NELL1: variants seen among roughly 807,000 people sequenced by gnomAD.
NELL1 encodes the protein protein kinase C-binding protein NELL1.
A neutral mutation model predicts 107.4 loss-of-function variants in NELL1; 76 were observed. That is an observed-to-expected ratio of 0.71 (90% confidence interval 0.59 to 0.86). The LOEUF (loss-of-function observed/expected upper bound fraction) is 0.86, where lower values mean the gene tolerates loss of function less well. Among genes scored for constraint, NELL1 ranks in the 40% least tolerant of loss-of-function variants. The pLI is 0.00. For synonymous variants in NELL1, 353 were observed against 341.2 expected, an observed-to-expected ratio of 1.03 and a Z score of -0.38; for missense variants, 1,024 against 1,005.5, an observed-to-expected ratio of 1.02 and a Z score of -0.25.
intron 14 of NELL1, among the ~76,000 whole-genome samples, chr11:21,293,080 A>G (rs1285245643): frequency 6.6e-6 from 1 of 152,212 alleles, no homozygotes; most frequent in Admixed American, 6.5e-5. Context: ...GACAAATGGG[A>G]TCTAAATAAA....
At chr11:20,760,405 G>T (rs1856393276) in intron 2 of NELL1, among the ~76,000 whole-genome samples, 1 of 152,222 alleles carries the variant, frequency 6.6e-6, no homozygotes. Flanking sequence ...CAGCTTTAGA[G>T]TTGTGAAAGG....
chr11:20,877,406 C>T (rs890674703), intron 4 of NELL1, among the ~76,000 whole-genome samples: 2 of 152,188 alleles, frequency 1.3e-5, no homozygotes, highest in African/African-American at 4.8e-5. Flanking sequence ...AGGAAAGGTA[C>T]TGTGGAGTCT....
intron 16 of NELL1, among the ~76,000 whole-genome samples, chr11:21,554,249 A>G (rs1485778732): frequency 2.6e-5 from 4 of 151,890 alleles, no homozygotes; most frequent in Non-Finnish European, 4.4e-5. Flanking sequence ...ACAGTAAAAC[A>G]CCTAAATTTG....
rs1056003653 is a variant in NELL1 at position 20,717,732 on chromosome 11, A to T, written c.184+39672A>T. Among the ~76,000 whole-genome samples the T allele has an allele frequency of 1.7e-4, 26 of 152,260 alleles. 1 individual carries two copies. The highest frequency in any genetic ancestry group is 6.3e-4 in the African/African-American group (26 of 41,560). ...ATCAATCACTACTTCCTGTTTAGTCATTCAGAGTTCTTTTCATAAATTGAA... is the reference window on the plus strand; with the variant it reads ...ATCAATCACTACTTCCTGTTTAGTCTTTCAGAGTTCTTTTCATAAATTGAA... On this transcript the variant is annotated intron_variant, in intron 2 of 19. Transcript: ENST00000357134.
At position 20,783,789 on chromosome 11, in the gene NELL1, C is replaced by A. The variant is rs2280363; in HGVS notation, c.294C>A (p.Ser98=). ...TILATVQQKP[S]TSGVILSIRE... is the part of the protein sequence containing the mutation. The stretch of plus-strand genomic sequence containing the variant: ...TGGCCACTGTACAGCAGAAGCCATC[C>A]ACTTCAGGAGTGATACTGTCCATTC... The change falls in exon 3 of 20, where the codon TCC becomes TCA. Residue 98 remains serine, a synonymous_variant. Coordinates refer to ENST00000357134, the MANE Select transcript of NELL1 (RefSeq NM_006157.5). 39 of 1,613,562 alleles carry A rather than the reference C, an allele frequency of 2.4e-5. No individual in the cohort carries two copies. In the Middle Eastern group the frequency reaches 4.9e-4, roughly 20 times the overall value.
intron 4 of NELL1, among the ~76,000 whole-genome samples, chr11:20,866,332 C>A (rs1055883128): frequency 6.6e-6 from 1 of 152,178 alleles, no homozygotes; most frequent in African/African-American, 2.4e-5. Context: ...ACCGCCTGTT[C>A]TATTCACCTT....
chr11:21,031,175 C>T (rs1159290679), intron 12 of NELL1, among the ~76,000 whole-genome samples: 2 of 152,172 alleles, frequency 1.3e-5, no homozygotes, highest in African/African-American at 4.8e-5. Flanking sequence ...TAACATTGCA[C>T]TGTACAGATA....
rs1430358458 is a variant in NELL1, at chr11:21,424,718, A to G, written c.1645+53770A>G. Among the ~76,000 whole-genome samples, 4 of 152,284 alleles carry G rather than the reference A, an allele frequency of 2.6e-5. No individual in the cohort carries two copies. In the East Asian group the frequency reaches 7.7e-4, roughly 29 times the overall value. On this transcript the variant is annotated intron_variant, in intron 15 of 19. Transcript: ENST00000357134. ...AGGACAAAATGGACAATTGCTAGAA[A>G]CACAAAACTTGCAAAGACTAAATCA...
intron 15 of NELL1, among the ~76,000 whole-genome samples, chr11:21,418,369 A>C (rs1482191460): frequency 6.6e-6 from 1 of 152,108 alleles, no homozygotes; most frequent in East Asian, 1.9e-4. Context: ...TGGTCAACTT[A>C]TCTACTGATT....
At chr11:20,924,563 G>T (rs1850449420) in intron 7 of NELL1, among the ~76,000 whole-genome samples, 1 of 152,174 alleles carries the variant, frequency 6.6e-6, no homozygotes, top group Non-Finnish European at 1.5e-5. Context: ...CCTTAGGCAA[G>T]CTCCTGGATT....
chr11:21,540,908 C>T (rs1490909978), intron 16 of NELL1, among the ~76,000 whole-genome samples: 2 of 151,952 alleles, frequency 1.3e-5, no homozygotes, highest in Non-Finnish European at 2.9e-5. Context: ...ACAATTTGGC[C>T]AATGTAGAGA....
At chr11:20,847,818 A>T in intron 4 of NELL1, 65 bp downstream of exon 4, 1 of 1,481,076 alleles carries the variant, frequency 6.8e-7, no homozygotes, top group Non-Finnish European at 9.1e-7. Flanking sequence ...AAAGGGGAAA[A>T]AATATCAAAT....
chr11:20,979,681 A>G (rs1851710427), intron 12 of NELL1, among the ~76,000 whole-genome samples: 1 of 152,140 alleles, frequency 6.6e-6, no homozygotes, highest in Admixed American at 6.6e-5. Flanking sequence ...TAAATTCTTG[A>G]ATCCTCTTTC....
chr11:21,265,239 C>T (rs1848613172), intron 14 of NELL1, among the ~76,000 whole-genome samples: 1 of 152,020 alleles, frequency 6.6e-6, no homozygotes, highest in Non-Finnish European at 1.5e-5. Context: ...GTGAACTATT[C>T]ACCCCCTCCT....
At chr11:20,753,327 C>G (rs1311652725) in intron 2 of NELL1, among the ~76,000 whole-genome samples, 3 of 152,150 alleles carry the variant, frequency 2.0e-5, no homozygotes, top group Non-Finnish European at 4.4e-5. Flanking sequence ...ATCTTAATAT[C>G]TCTTCTTGGT....
chr11:21,230,768 G>A (rs552480473), intron 14 of NELL1, among the ~76,000 whole-genome samples: 2 of 152,146 alleles, frequency 1.3e-5, no homozygotes, highest in Non-Finnish European at 2.9e-5. Flanking sequence ...GGTGAGGTAA[G>A]CAGAAAGCCT....
At chr11:21,481,491 T>A (rs1854491333) in intron 15 of NELL1, among the ~76,000 whole-genome samples, 1 of 152,192 alleles carries the variant, frequency 6.6e-6, no homozygotes, top group Non-Finnish European at 1.5e-5. Flanking sequence ...AAGGGTTGCA[T>A]TAAAGTGGAA....
chr11:20,801,591 A>G (rs1002368087), intron 3 of NELL1, among the ~76,000 whole-genome samples: 1 of 151,922 alleles, frequency 6.6e-6, no homozygotes, highest in Non-Finnish European at 1.5e-5. Flanking sequence ...ATGTAATCCC[A>G]TTTATCCGTT....
intron 16 of NELL1, among the ~76,000 whole-genome samples, chr11:21,551,811 C>T (rs1856594765): frequency 6.6e-6 from 1 of 151,570 alleles, no homozygotes; most frequent in Non-Finnish European, 1.5e-5. Context: ...GACCATAAAT[C>T]ATGCTGCTTT....
Sources: gnomAD v4.1 joint callset for allele counts (sites outside exome capture counted in the v4.1 genomes callset) on GRCh38, gnomAD v4.1.1 for gene constraint, MANE v1.5 for transcripts, NCBI Gene and HGNC (gene_info 2026-07-23, HGNC 2026-07-21) for gene names.